POC1A: variants seen among roughly 807,000 people sequenced by gnomAD.
POC1A encodes the protein POC1 centriolar protein homolog A.
POC1A carries 34 observed loss-of-function variants against 47.8 expected under a neutral mutation model. The observed-to-expected ratio is 0.71, with a 90% CI of 0.54 to 0.95. The LOEUF (loss-of-function observed/expected upper bound fraction) is 0.95, where lower values mean the gene tolerates loss of function less well. Ranked by LOEUF, POC1A falls within the 40% of genes least tolerant of loss-of-function variation. POC1A has a pLI of 0.00. For synonymous variants in POC1A, 177 were observed against 207.6 expected (o/e 0.85, Z 1.27); for missense variants, 466 against 528.3 (o/e 0.88, Z 1.16).
intron 9 of POC1A, among the ~76,000 whole-genome samples, chr3:52,113,469 A>G (rs9830293): frequency 0.15 from 23,236 of 152,254 alleles, 2,894 homozygotes; most frequent in African/African-American, 0.34. Context: ...TTGGTAGGCC[A>G]AGGTGGGTGG....
chr3:52,086,594 T>C (rs989913120), intron 10 of POC1A, among the ~76,000 whole-genome samples: 1 of 152,228 alleles, frequency 6.6e-6, no homozygotes, highest in Admixed American at 6.5e-5. Flanking sequence ...GACCCTGACT[T>C]GCTGGTGGTG....
At chr3:52,134,025 G>A (rs966038173) in intron 7 of POC1A, among the ~76,000 whole-genome samples, 4 of 152,320 alleles carry the variant, frequency 2.6e-5, no homozygotes, top group Non-Finnish European at 5.9e-5. Flanking sequence ...GTTTCATGGG[G>A]CTCCCTTCTG....
chr3:52,130,368 C>G (rs1348936906), intron 7 of POC1A, among the ~76,000 whole-genome samples: 1 of 152,186 alleles, frequency 6.6e-6, no homozygotes, highest in Non-Finnish European at 1.5e-5. Context: ...TCTTCCAGAG[C>G]CCCACCAGGA....
At chr3:52,123,826 T>C (rs1226486731) in intron 8 of POC1A, among the ~76,000 whole-genome samples, 1 of 152,250 alleles carries the variant, frequency 6.6e-6, no homozygotes, top group East Asian at 1.9e-4. Context: ...TCTCCTACTA[T>C]GTCATTTGAT....
chr3:52,119,535 C>T (rs1559831942), intron 9 of POC1A, among the ~76,000 whole-genome samples: 1 of 152,074 alleles, frequency 6.6e-6, no homozygotes, highest in Non-Finnish European at 1.5e-5. Flanking sequence ...ACTAGGACTA[C>T]AGGGGAGTGC....
At chr3:52,107,934 C>T (rs937254540) in intron 9 of POC1A, among the ~76,000 whole-genome samples, 3 of 152,190 alleles carry the variant, frequency 2.0e-5, no homozygotes, top group African/African-American at 7.2e-5. Context: ...CCTGATGTTC[C>T]AGAATCCTAC....
At chr3:52,108,774 T>C (rs908508834) in intron 9 of POC1A, among the ~76,000 whole-genome samples, 1 of 152,170 alleles carries the variant, frequency 6.6e-6, no homozygotes, top group Admixed American at 6.5e-5. Context: ...GAAGGCTGTG[T>C]CCCATGGGGT....
intron 9 of POC1A, among the ~76,000 whole-genome samples, chr3:52,108,903 G>A (rs1200822100): frequency 6.6e-6 from 1 of 152,182 alleles, no homozygotes; most frequent in Non-Finnish European, 1.5e-5. Flanking sequence ...GCCCCCCAGC[G>A]GATGCCTGGC....
chr3:52,089,051 C>T (rs900546844), intron 10 of POC1A, among the ~76,000 whole-genome samples: 6 of 151,750 alleles, frequency 4.0e-5, no homozygotes, highest in African/African-American at 9.7e-5. Context: ...CAACCACAGA[C>T]GGGATAAAAG....
intron 10 of POC1A, among the ~76,000 whole-genome samples, chr3:52,081,123 T>C (rs1198763404): frequency 2.0e-5 from 3 of 152,228 alleles, no homozygotes; most frequent in African/African-American, 4.8e-5. Context: ...GGCCTTAAAA[T>C]CACTTGTTTG....
At chr3:52,148,738 G>A (rs925050727) in intron 4 of POC1A, among the ~76,000 whole-genome samples, 1 of 152,168 alleles carries the variant, frequency 6.6e-6, no homozygotes, top group African/African-American at 2.4e-5. Context: ...AGAGAGAGTT[G>A]GGTTCAAACT....
chr3:52,133,866 A>G (rs112330541), intron 7 of POC1A, among the ~76,000 whole-genome samples: 2,535 of 152,232 alleles, frequency 0.017, 61 homozygotes, highest in African/African-American at 0.053. Flanking sequence ...GGCTGACCTC[A>G]CTGCTGCTCA....
intron 7 of POC1A, among the ~76,000 whole-genome samples, chr3:52,132,460 C>A (rs1704250098): frequency 6.6e-6 from 1 of 152,174 alleles, no homozygotes. Context: ...CACTTGGCCT[C>A]AATCAAAGAT....
intron 9 of POC1A, among the ~76,000 whole-genome samples, chr3:52,114,166 A>G (rs964542122): frequency 6.6e-6 from 1 of 152,226 alleles, no homozygotes; most frequent in Non-Finnish European, 1.5e-5. Flanking sequence ...CAGAGCCAGA[A>G]GTTTCTAGTA....
intron 9 of POC1A, among the ~76,000 whole-genome samples, chr3:52,103,114 T>C (rs1273626661): frequency 6.6e-6 from 1 of 152,254 alleles, no homozygotes; most frequent in African/African-American, 2.4e-5. Flanking sequence ...GACAAGTTAG[T>C]ATTTCCAACA....
At chr3:52,107,285 G>A (rs538029986) in intron 9 of POC1A, among the ~76,000 whole-genome samples, 2 of 152,176 alleles carry the variant, frequency 1.3e-5, no homozygotes, top group Admixed American at 6.5e-5. Context: ...AGGTGGAGCC[G>A]GTTTTAGGAA....
At chr3:52,148,554 G>A (rs1698444597) in intron 4 of POC1A, among the ~76,000 whole-genome samples, 1 of 152,232 alleles carries the variant, frequency 6.6e-6, no homozygotes, top group South Asian at 2.1e-4. Context: ...GACCTTGAAA[G>A]GTCCTTTGGG....
At chr3:52,146,079 G>A in intron 5 of POC1A, 118 bp from the exon 6 acceptor site, 1 of 634,668 alleles carries the variant, frequency 1.6e-6, no homozygotes, top group Admixed American at 2.5e-5. Flanking sequence ...CCTTGACCCA[G>A]ACACCTCCTT....
In POC1A at chr3:52,079,421, C is replaced by G. The variant is rs1009884463; in HGVS notation, c.1126-3436G>C. Among the ~76,000 whole-genome samples, 1 of 152,228 alleles carries G rather than the reference C, an allele frequency of 6.6e-6. No homozygotes were observed. The highest frequency in any genetic ancestry group is 1.5e-5 in the Non-Finnish European group (1 of 68,038). On this transcript the variant is annotated intron_variant, in intron 10 of 10. Transcript: ENST00000296484. This position sits in a 1 kb window ranked among gnomAD's most constrained non-coding sequence, Gnocchi z 4.6. ...ACCTGCCCTGGAGGGTGAGGAGGAG[C>G]GCTCTGCAGGCAAATACCTCTGCGG...
Sources: gnomAD v4.1 joint callset for allele counts (sites outside exome capture counted in the v4.1 genomes callset) on GRCh38, gnomAD v4.1.1 for gene constraint, Gnocchi (gnomAD v3.1) non-coding constraint, MANE v1.5 for transcripts, NCBI Gene and HGNC (gene_info 2026-07-23, HGNC 2026-07-21) for gene names.